Variants in FAM20A observed in about 807,000 individuals in gnomAD.
FAM20A encodes pseudokinase FAM20A.
Under a neutral mutation model 52.0 loss-of-function variants are expected in FAM20A, and 42 were observed. The observed-to-expected ratio is 0.81, with a 90% CI of 0.63 to 1.04. The LOEUF is 1.04. FAM20A is among the 50% of genes least tolerant of loss of function. FAM20A has a pLI of 0.00. For missense variants in FAM20A, 742 were observed against 712.7 expected, an observed-to-expected ratio of 1.04 and a Z score of -0.47; for synonymous variants, 304 against 298.9, an observed-to-expected ratio of 1.02 and a Z score of -0.18.
chr17:68,541,727 A>C, intron 7 of FAM20A: 1 of 412,900 alleles, frequency 2.4e-6, no homozygotes, highest in South Asian at 4.2e-5. Flanking sequence ...GGAGCTTCTC[A>C]AGGAGAGAGT....
intron 1 of FAM20A, among the ~76,000 whole-genome samples, chr17:68,587,563 T>C (rs1202426084): frequency 6.6e-6 from 1 of 152,192 alleles, no homozygotes. Context: ...GCAGCACCTA[T>C]GTTTCCTGCC....
intron 1 of FAM20A, among the ~76,000 whole-genome samples, chr17:68,592,317 C>CAGAT (rs2088336985): frequency 6.6e-6 from 1 of 152,166 alleles, no homozygotes; most frequent in Non-Finnish European, 1.5e-5. Context: ...GCTGTGGAGG[C>CAGAT]AGATAGACAT....
intron 1 of FAM20A, among the ~76,000 whole-genome samples, chr17:68,572,132 G>C (rs2143804533): frequency 1.3e-5 from 2 of 150,192 alleles, no homozygotes; most frequent in Middle Eastern, 7.0e-3. Context: ...ATGTTGCCCA[G>C]GCTGGTCTTG....
chr17:68,589,968 A>G (rs559341081), intron 1 of FAM20A, among the ~76,000 whole-genome samples: 1 of 152,344 alleles, frequency 6.6e-6, no homozygotes, highest in East Asian at 1.9e-4. Flanking sequence ...TGCAGCAGGA[A>G]ACAGCTTTTA....
rs1176229833 is a variant in FAM20A, at chr17:68,535,351, A to C, written c.*2126T>G. The stretch of plus-strand genomic sequence containing the variant: ...TGCTTTCTGTTTGTAGAGTGCAGCA[A>C]AATGTGTATATAGGCCATTGGAAAA... On this transcript the variant is annotated 3_prime_UTR_variant, in exon 11 of 11. Transcript: ENST00000592554. 2 of 454,158 alleles carry C rather than the reference A, an allele frequency of 4.4e-6. No homozygotes were observed. Among genetic ancestry groups the C allele is most frequent in the East Asian group, 1.4e-4 (2 of 14,394 alleles). The allele number at this position is 454,158 out of a possible 1,614,324, so 28.1% of individuals were successfully genotyped here.
Position 68,552,743 on chromosome 17 carries a change from G to A in FAM20A, c.641-792C>T, listed in dbSNP as rs544229195. On this transcript the variant is annotated intron_variant, in intron 3 of 10. Transcript: ENST00000592554. ...AGGCCGGACTGCGGACTGCAGTGGC[G>A]CAATCTCGGCTCACTGCAAGCTCCG... Among the ~76,000 whole-genome samples the A allele has an allele frequency of 1.3e-3, 127 of 100,502 alleles. 8 individuals are homozygous for A. Among genetic ancestry groups the A allele is most frequent in the East Asian group, 3.5e-3 (14 of 4,036 alleles). The allele number at this position is 100,502 out of a possible 152,430, so 65.9% of individuals were successfully genotyped here. A position where few individuals can be genotyped will look rare whatever the true frequency, so the allele number is the denominator to read the frequency against.
chr17:68,549,443 G>A (rs1000185319), intron 4 of FAM20A, among the ~76,000 whole-genome samples: 8 of 150,986 alleles, frequency 5.3e-5, no homozygotes, highest in Admixed American at 2.0e-4. Flanking sequence ...GCAGTGAGCC[G>A]AGATAGCGCC....
intron 9 of FAM20A, 31 bp from the exon 10 acceptor site, chr17:68,539,427 C>G: frequency 6.3e-7 from 1 of 1,599,636 alleles, no homozygotes; most frequent in Non-Finnish European, 8.6e-7. Context: ...TTATGGGTGG[C>G]CGGCAGCATC....
intron 3 of FAM20A, among the ~76,000 whole-genome samples, chr17:68,553,189 C>A (rs1347529452): frequency 1.3e-5 from 2 of 152,100 alleles, no homozygotes; most frequent in South Asian, 2.1e-4. Context: ...TTATAAGGGG[C>A]TCTTCCCCCT....
At chr17:68,549,504 AAAAAAG>A (rs1235689867) in intron 4 of FAM20A, among the ~76,000 whole-genome samples, 2 of 152,110 alleles carry the variant, frequency 1.3e-5, no homozygotes, top group African/African-American at 2.4e-5. Context: ...CAAAAAAAAA[AAAAAAG>A]TTAGAGACAT....
At chr17:68,592,495 G>A (rs925395756) in intron 1 of FAM20A, among the ~76,000 whole-genome samples, 3 of 152,182 alleles carry the variant, frequency 2.0e-5, no homozygotes, top group Non-Finnish European at 4.4e-5. Flanking sequence ...TCATCAAAAA[G>A]ATTTACCTAC....
At chr17:68,591,674 A>G (rs965696260) in intron 1 of FAM20A, 1 of 152,312 alleles carries the variant, frequency 6.6e-6, no homozygotes, top group Admixed American at 6.5e-5. Context: ...CTGGTCCCAG[A>G]TGAAGCCCTC....
intron 1 of FAM20A, among the ~76,000 whole-genome samples, chr17:68,565,156 G>C (rs1416393287): frequency 2.0e-5 from 3 of 152,086 alleles, no homozygotes; most frequent in Non-Finnish European, 2.9e-5. Flanking sequence ...GAGTAATTTT[G>C]ATACCTGACC....
Position 68,552,665 on chromosome 17 carries a change from CCTTTTTTT to C in FAM20A, c.641-722_641-715del, listed in dbSNP as rs1170404334. Among the ~76,000 whole-genome samples the C allele has an allele frequency of 5.5e-5, 6 of 110,000 alleles. 1 individual carries two copies. Among genetic ancestry groups the C allele is most frequent in the African/African-American group, 1.9e-4 (6 of 31,002 alleles). The allele number at this position is 110,000 out of a possible 152,430, so 72.2% of individuals were successfully genotyped here. ...CTGGAGCCCTGTAAACCTTTATTTT[CCTTTTTTT>C]TTTTTTTTTTTTTTTTTTTGAGACG... is the stretch of plus-strand genomic sequence containing the variant. On this transcript the variant is annotated intron_variant, in intron 3 of 10. Transcript: ENST00000592554.
chr17:68,545,545 A>C (rs1452839051), intron 4 of FAM20A, among the ~76,000 whole-genome samples: 1 of 152,258 alleles, frequency 6.6e-6, no homozygotes, highest in East Asian at 1.9e-4. Flanking sequence ...GCCTTCAGCA[A>C]GTCATAATCT....
At chr17:68,539,858 T>C in intron 9 of FAM20A, 27 bp downstream of exon 9, 1 of 1,608,278 alleles carries the variant, frequency 6.2e-7, no homozygotes, top group Non-Finnish European at 8.5e-7. Flanking sequence ...GGAGAGGGGA[T>C]TGTTGAACAC....
chr17:68,571,943 T>C (rs1387265189), intron 1 of FAM20A, among the ~76,000 whole-genome samples: 3 of 144,506 alleles, frequency 2.1e-5, no homozygotes, highest in East Asian at 2.4e-4. Context: ...TGTAGAAATA[T>C]ATATATGTGT....
intron 1 of FAM20A, among the ~76,000 whole-genome samples, 192 bp from the exon 2 acceptor site, chr17:68,555,935 C>G (rs2087039590): frequency 6.6e-6 from 1 of 152,156 alleles, no homozygotes; most frequent in East Asian, 1.9e-4. Context: ...TTCTTACCCT[C>G]AGAGGGCTTA....
At chr17:68,540,405 T>C in intron 8 of FAM20A, 1 of 453,172 alleles carries the variant, frequency 2.2e-6, no homozygotes, top group Non-Finnish European at 4.4e-6. Context: ...CCTAAGCTCC[T>C]GTATGACGGC....
Sources: gnomAD v4.1 joint callset for allele counts (sites outside exome capture counted in the v4.1 genomes callset) on GRCh38, gnomAD v4.1.1 for gene constraint, MANE v1.5 for transcripts, NCBI Gene and HGNC (gene_info 2026-07-23, HGNC 2026-07-21) for gene names.